Variants in TATDN1 observed in about 807,000 individuals in gnomAD.
TATDN1 encodes TatD DNase domain containing 1.
Under a neutral mutation model 46.4 loss-of-function variants are expected in TATDN1, and 40 were observed. That is an observed-to-expected ratio of 0.86 (90% CI 0.67 to 1.12). The LOEUF is 1.12. Among genes scored for constraint, TATDN1 ranks in the 50% most tolerant of loss-of-function variants. The probability of loss-of-function intolerance (pLI) is 0.00; values close to 1 mark genes in which losing one functional copy is unlikely to be tolerated. For missense variants in TATDN1, 326 were observed against 348.4 expected (o/e 0.94, Z 0.51); for synonymous variants, 95 against 105.6 (o/e 0.90, Z 0.62).
rs1187096318 is a variant in TATDN1 at position 124,524,169 on chromosome 8, C to T, written c.23-1167G>A. On this transcript the variant is annotated intron_variant, in intron 1 of 11. Transcript: ENST00000276692. ...AGGAGTGTCTGCTCCACCAATAAGA[C>T]ACACCTTGAAAGTGAATGGGAGTTT... Among the ~76,000 whole-genome samples the T allele has an allele frequency of 3.3e-5, 5 of 152,122 alleles. No individual in the cohort carries two copies. The East Asian group carries it at 9.6e-4, about 29-fold the overall frequency.
chr8:124,511,002 C>T (rs537695391), intron 6 of TATDN1, among the ~76,000 whole-genome samples: 14 of 152,152 alleles, frequency 9.2e-5, no homozygotes, highest in African/African-American at 2.2e-4. Context: ...GAACATCAAA[C>T]GACTATTATC....
rs537962797 is a variant in TATDN1, at chr8:124,504,167, C to T, written c.593+104G>A. 2.5e-4 allele frequency: 220 copies of T among 877,758 alleles called. No individual in the cohort carries two copies. The African/African-American group carries it at 3.3e-3, about 13-fold the overall frequency. 54.4% of individuals were successfully genotyped at this position (877,758 alleles called of 1,614,324 possible). ...CCCAGCAAAGATCAATGCAAACACA[C>T]ACAAACTTTAATGAAAATAAATCTT... On this transcript the variant is annotated intron_variant, in intron 9 of 11. Transcript: ENST00000276692.
At chr8:124,525,685 T>C (rs1452894630) in intron 1 of TATDN1, among the ~76,000 whole-genome samples, 1 of 152,222 alleles carries the variant, frequency 6.6e-6, no homozygotes, top group African/African-American at 2.4e-5. Context: ...CACTGTAACA[T>C]GCCAACAACA....
At chr8:124,510,750 C>T (rs1011863196) in intron 6 of TATDN1, among the ~76,000 whole-genome samples, 17 of 151,820 alleles carry the variant, frequency 1.1e-4, no homozygotes, top group Non-Finnish European at 2.1e-4. Flanking sequence ...TTGAGCCTGG[C>T]GAGGTCAAGG....
intron 8 of TATDN1, among the ~76,000 whole-genome samples, chr8:124,504,903 C>T (rs1268271841): frequency 4.0e-5 from 6 of 150,754 alleles, no homozygotes; most frequent in Admixed American, 6.6e-5. Flanking sequence ...TGCGCCACCA[C>T]GCCTGGCTAA....
chr8:124,490,213 G>A (rs1275898539), intron 11 of TATDN1: 2 of 152,122 alleles, frequency 1.3e-5, no homozygotes, highest in East Asian at 1.9e-4. Flanking sequence ...TATTGAAATC[G>A]CTTATAAGAA....
chr8:124,497,171 CTGT>C (rs1281189823), intron 9 of TATDN1, among the ~76,000 whole-genome samples: 1 of 152,142 alleles, frequency 6.6e-6, no homozygotes, highest in Non-Finnish European at 1.5e-5. Context: ...TCAAATTTAT[CTGT>C]TGAAGAAACC....
rs370657556 is a variant in TATDN1, at chr8:124,538,462, T to C, written c.22+563A>G. The C allele has an allele frequency of 9.0e-5, 14 of 155,676 alleles. No individual in the cohort carries two copies. The East Asian group carries it at 1.3e-3, about 15-fold the overall frequency. The allele number at this position is 155,676 out of a possible 1,614,324, so 9.6% of individuals were successfully genotyped here. Reference sequence around the variant, plus strand: ...CGTTCTACTGATGCCGACTGGATCATTGTACTTGCCAAGTACAGTTTGTTT... The same window carrying C: ...CGTTCTACTGATGCCGACTGGATCACTGTACTTGCCAAGTACAGTTTGTTT... On this transcript the variant is annotated intron_variant, in intron 1 of 11. Transcript: ENST00000276692.
In TATDN1 at chr8:124,488,685, T is replaced by C. The variant is rs758376509; in HGVS notation, c.803A>G (p.Glu268Gly). 1 of 1,600,152 alleles carries C rather than the reference T, an allele frequency of 6.2e-7. No homozygotes were observed. The highest frequency in any genetic ancestry group is 8.6e-7 in the Non-Finnish European group (1 of 1,168,028). ...NEPCHIIQIL[E>G]IMSAVRDEDP... ...CTCATCTCTCACTGCTGACATTATC[T>C]CCAATATTTGACTAAAACAAAACAA... Residue 268 changes from glutamate to glycine, a missense_variant, in exon 12 of 12, where the codon GAG (glutamate) becomes GGG (glycine). Glu to Gly is a moderately conservative substitution (Grantham distance 98). Transcript: ENST00000276692.
At chr8:124,493,709 TG>T in intron 11 of TATDN1, 123 bp downstream of exon 11, 1 of 1,070,992 alleles carries the variant, frequency 9.3e-7, no homozygotes, top group Non-Finnish European at 1.3e-6. Flanking sequence ...ATTAATATGG[TG>T]GTCTTGAACC....
At chr8:124,532,113 G>C (rs1000275898) in intron 1 of TATDN1, among the ~76,000 whole-genome samples, 4 of 151,942 alleles carry the variant, frequency 2.6e-5, no homozygotes, top group Non-Finnish European at 4.4e-5. Flanking sequence ...AGGAGGAGTG[G>C]GTTGAGTACA....
At chr8:124,504,072 T>A in intron 9 of TATDN1, 199 bp downstream of exon 9, 1 of 779,272 alleles carries the variant, frequency 1.3e-6, no homozygotes, top group African/African-American at 1.8e-5. Context: ...TGTAGTAGTC[T>A]ATAACTTTCG....
intron 1 of TATDN1, among the ~76,000 whole-genome samples, chr8:124,534,019 G>A (rs1586688446): frequency 6.6e-6 from 1 of 151,580 alleles, no homozygotes; most frequent in Non-Finnish European, 1.5e-5. Flanking sequence ...GGTAGTGGGC[G>A]CCTGTAGTCC....
intron 1 of TATDN1, among the ~76,000 whole-genome samples, chr8:124,538,636 A>G (rs908502801): frequency 6.6e-6 from 1 of 152,304 alleles, no homozygotes; most frequent in East Asian, 1.9e-4. Context: ...GCTTGAGTGA[A>G]TTGGTCCCCA....
intron 1 of TATDN1, among the ~76,000 whole-genome samples, chr8:124,532,673 A>G (rs567268775): frequency 1.3e-5 from 2 of 152,346 alleles, no homozygotes; most frequent in East Asian, 3.9e-4. Context: ...CTCCAAAGAC[A>G]TACGTGCTGT....
intron 4 of TATDN1, among the ~76,000 whole-genome samples, chr8:124,516,591 G>C (rs1048441800): frequency 6.6e-6 from 1 of 151,974 alleles, no homozygotes; most frequent in Non-Finnish European, 1.5e-5. Flanking sequence ...TTACAGGCCT[G>C]AGCCACCATG....
chr8:124,495,655 G>T (rs564704583), intron 9 of TATDN1, 113 bp from the exon 10 acceptor site: 2 of 728,274 alleles, frequency 2.7e-6, no homozygotes, highest in Admixed American at 6.2e-5. Flanking sequence ...ATAACACTTT[G>T]TTTTCAGTAT....
At chr8:124,502,340 C>CAAAA (rs1278936566) in intron 9 of TATDN1, among the ~76,000 whole-genome samples, 90 of 64,698 alleles carry the variant, frequency 1.4e-3, no homozygotes, top group African/African-American at 4.8e-3. Context: ...GAGTCCCTCT[C>CAAAA]AAAAAAAAAA....
Position 124,506,087 on chromosome 8 carries a change from C to A in TATDN1, c.517-1740G>T, listed in dbSNP as rs138543999. Among the ~76,000 whole-genome samples the A allele has an allele frequency of 5.0e-3, 754 of 151,996 alleles. 4 individuals are homozygous for A. The highest frequency in any genetic ancestry group is 0.015 in the African/African-American group (641 of 41,486). On this transcript the variant is annotated intron_variant, in intron 8 of 11. Transcript: ENST00000276692. Reference sequence around the variant, plus strand: ...CAGTGGCTCCCATCTGTAATCCCAGCACTTTGGGAGGCCGAGGCAGGTGGA... The same window carrying A: ...CAGTGGCTCCCATCTGTAATCCCAGAACTTTGGGAGGCCGAGGCAGGTGGA...
Sources: allele counts gnomAD v4.1 joint callset (sites outside exome capture counted in the v4.1 genomes callset), GRCh38; gene constraint gnomAD v4.1.1; transcripts MANE v1.5; gene names NCBI Gene and HGNC (gene_info 2026-07-23, HGNC 2026-07-21).